P2RY6: variants seen among roughly 807,000 people sequenced by gnomAD.
The protein encoded by P2RY6 is P2Y purinoceptor 6.
A neutral mutation model predicts 16.3 loss-of-function variants in P2RY6; 19 were observed. The observed-to-expected ratio is 1.16, with a 90% CI of 0.81 to 1.71. P2RY6 has a LOEUF of 1.71. Ranked by LOEUF, P2RY6 falls within the 40% of genes most tolerant of loss-of-function variation. P2RY6 has a pLI of 0.00. For synonymous variants in P2RY6, 184 were observed against 201.5 expected (o/e 0.91, Z 0.74); for missense variants, 389 against 455.5 (o/e 0.85, Z 1.33).
chr11:73,283,433 G>A (rs982181480), intron 1 of P2RY6, among the ~76,000 whole-genome samples: 18 of 152,138 alleles, frequency 1.2e-4, no homozygotes, highest in African/African-American at 4.1e-4. Context: ...CCACCTTCCA[G>A]GCAGAGTCCA....
In P2RY6 at chr11:73,272,439, T is replaced by G. The variant is rs1266539636; in HGVS notation, c.-148T>G. 3.0e-6 allele frequency: 3 copies of G among 985,554 alleles called. No individual in the cohort carries two copies. The African/African-American group carries it at 5.2e-5, about 17-fold the overall frequency. The allele number at this position is 985,554 out of a possible 1,614,324, so 61.1% of individuals were successfully genotyped here. A position where few individuals can be genotyped will look rare whatever the true frequency, so the allele number is the denominator to read the frequency against. On this transcript the variant is annotated 5_prime_UTR_variant, in exon 1 of 3. Transcript: ENST00000540124. ...GAATTTGCTCCAGCACTTCACGGAC[T>G]GCAAGCGAGGCACTTGCTAACTCTT...
intron 1 of P2RY6, among the ~76,000 whole-genome samples, chr11:73,278,349 G>T (rs886752282): frequency 3.3e-5 from 5 of 151,868 alleles, no homozygotes; most frequent in African/African-American, 9.7e-5. Context: ...TAGTAGAGAC[G>T]GAGTTTCACC....
intron 1 of P2RY6, among the ~76,000 whole-genome samples, chr11:73,287,273 GA>G: frequency 6.6e-6 from 1 of 152,314 alleles, no homozygotes; most frequent in Non-Finnish European, 1.5e-5. Flanking sequence ...AAATATTGTG[GA>G]AGACCTGTCT....
chr11:73,274,523 CA>C (rs576616998), intron 1 of P2RY6, among the ~76,000 whole-genome samples: 1,786 of 130,836 alleles, frequency 0.014, 44 homozygotes, highest in African/African-American at 0.051. Context: ...GCCTGGGTGA[CA>C]AGAGCGAGAC....
At chr11:73,265,936 T>A (rs1407696832) in intron 1 of P2RY6, among the ~76,000 whole-genome samples, 1 of 152,232 alleles carries the variant, frequency 6.6e-6, no homozygotes, top group Non-Finnish European at 1.5e-5. Flanking sequence ...AGTATTTGCC[T>A]CATAGGTTAT....
intron 1 of P2RY6, among the ~76,000 whole-genome samples, chr11:73,267,062 T>G (rs1290594044): frequency 2.0e-5 from 3 of 152,022 alleles, no homozygotes; most frequent in Non-Finnish European, 2.9e-5. Context: ...GCCCTAAGAG[T>G]CTATAATTAC....
chr11:73,295,054 G>A (rs1431153449), intron 1 of P2RY6, among the ~76,000 whole-genome samples: 2 of 152,168 alleles, frequency 1.3e-5, no homozygotes, highest in African/African-American at 4.8e-5. Context: ...TCTGTAAAAT[G>A]GCAAGAGAGG....
intron 1 of P2RY6, chr11:73,264,770 A>G (rs1438200915): frequency 2.6e-5 from 4 of 152,072 alleles, no homozygotes; most frequent in African/African-American, 9.7e-5. Context: ...GTCCCTGCAT[A>G]TGTGTGTAGT....
At chr11:73,290,176 C>T (rs796588600) in intron 1 of P2RY6, among the ~76,000 whole-genome samples, 15 of 151,028 alleles carry the variant, frequency 9.9e-5, no homozygotes, top group African/African-American at 3.4e-4. Flanking sequence ...GAGCCGAGAT[C>T]GTGCCATTGT....
At chr11:73,272,299 C>A (rs1005246558), upstream of P2RY6, 2 of 979,690 alleles carry the variant, frequency 2.0e-6, no homozygotes, top group Non-Finnish European at 2.4e-6. Context: ...GTTACTTCCT[C>A]TCCCCAGGTC....
At chr11:73,275,209 G>A (rs558881365) in intron 1 of P2RY6, among the ~76,000 whole-genome samples, 6 of 152,302 alleles carry the variant, frequency 3.9e-5, no homozygotes, top group South Asian at 2.1e-4. Flanking sequence ...CCAGGAAGAC[G>A]AACTCTGCAG....
upstream of P2RY6, among the ~76,000 whole-genome samples, chr11:73,269,730 G>A (rs1863225236): frequency 6.6e-6 from 1 of 152,224 alleles, no homozygotes; most frequent in Admixed American, 6.5e-5. Context: ...GGCAGACACT[G>A]TGCAACCAGC....
rs1177442411 is a variant in P2RY6 at position 73,282,136 on chromosome 11, G to A, written c.-121+9670G>A. Among the ~76,000 whole-genome samples the A allele has an allele frequency of 2.6e-5, 4 of 152,314 alleles. 1 individual carries two copies. In the East Asian group the frequency reaches 7.7e-4, roughly 29 times the overall value. On this transcript the variant is annotated intron_variant, in intron 1 of 2. Coordinates refer to ENST00000540124, the MANE Select transcript of P2RY6 (RefSeq NM_001277204.2). ...TGTCAGGGCTTGTTAGGGGGCAGGGGAGACTGCTGTGAGCCTGCCATTTGA... is the reference window on the plus strand; with the variant it reads ...TGTCAGGGCTTGTTAGGGGGCAGGGAAGACTGCTGTGAGCCTGCCATTTGA...
rs113018598 is a variant in P2RY6, at chr11:73,294,224, T to C, written c.-120-1506T>C. Among the ~76,000 whole-genome samples, 493 of 152,320 alleles carry C rather than the reference T, an allele frequency of 3.2e-3. 4 individuals carry two copies. Among genetic ancestry groups the C allele is most frequent in the African/African-American group, 0.011 (477 of 41,570 alleles). On this transcript the variant is annotated intron_variant, in intron 1 of 2. Coordinates refer to ENST00000540124, the MANE Select transcript of P2RY6 (RefSeq NM_001277204.2). The stretch of plus-strand genomic sequence containing the variant: ...CTCCTCAACCACCCAGGCCTTGCTC[T>C]GTCTTTCATTCTGCTCTGAAAAGTC...
intron 1 of P2RY6, among the ~76,000 whole-genome samples, chr11:73,292,321 T>C (rs1048388483): frequency 1.3e-5 from 2 of 151,948 alleles, no homozygotes; most frequent in African/African-American, 4.8e-5. Flanking sequence ...GCTGAGTAAG[T>C]TTGTACGTAA....
At chr11:73,284,935 A>G (rs1203712043) in intron 1 of P2RY6, among the ~76,000 whole-genome samples, 1 of 152,212 alleles carries the variant, frequency 6.6e-6, no homozygotes, top group Non-Finnish European at 1.5e-5. Context: ...AATGCTAAGG[A>G]GAAAAATATA....
chr11:73,295,702 G>GGTA (rs1482697527), intron 1 of P2RY6, 28 bp from the exon 2 acceptor site: 1 of 907,046 alleles, frequency 1.1e-6, no homozygotes, highest in Non-Finnish European at 1.3e-6. Context: ...TGGGGAACTG[G>GGTA]GTATCACCTC....
chr11:73,281,606 G>A (rs1043352628), intron 1 of P2RY6, among the ~76,000 whole-genome samples: 2 of 152,228 alleles, frequency 1.3e-5, no homozygotes, highest in Middle Eastern at 3.2e-3. Flanking sequence ...CCAGACAGTG[G>A]TGCCATTAGA....
intron 1 of P2RY6, among the ~76,000 whole-genome samples, chr11:73,275,004 C>T (rs966213886): frequency 6.6e-6 from 1 of 152,252 alleles, no homozygotes; most frequent in Admixed American, 6.5e-5. Context: ...TGCTGCTTCC[C>T]CTGTCCCAGG....
Sources: allele counts gnomAD v4.1 joint callset (sites outside exome capture counted in the v4.1 genomes callset), GRCh38; gene constraint gnomAD v4.1.1; transcripts MANE v1.5; gene names NCBI Gene and HGNC (gene_info 2026-07-23, HGNC 2026-07-21).